The following SCD5 variants were observed in gnomAD, a reference collection of about 807,000 sequenced individuals.
SCD5 encodes the protein acyl-CoA-desaturase 4.
In SCD5, 20 loss-of-function variants were observed where a neutral mutation model predicts 30.4. The ratio of observed to expected loss-of-function variants is 0.66; its 90% CI spans 0.46 to 0.96. The LOEUF is 0.96. SCD5 is among the 40% of genes least tolerant of loss of function. SCD5 has a pLI of 0.00. For synonymous variants in SCD5, 173 were observed against 176.4 expected (o/e 0.98, Z 0.16); for missense variants, 381 against 443.3 (o/e 0.86, Z 1.26).
At chr4:82,700,787 TAA>T (rs70938305) in intron 2 of SCD5, among the ~76,000 whole-genome samples, 8 of 63,802 alleles carry the variant, frequency 1.3e-4, no homozygotes, top group Non-Finnish European at 1.2e-4. Context: ...ACCCTGTCTC[TAA>T]AAAAAAAAAA....
intron 1 of SCD5, among the ~76,000 whole-genome samples, chr4:82,796,886 G>A (rs997354084): frequency 2.0e-5 from 3 of 152,202 alleles, no homozygotes; most frequent in Admixed American, 6.5e-5. Context: ...AAAGGTGATG[G>A]TGAAAAGGAC....
intron 1 of SCD5, among the ~76,000 whole-genome samples, chr4:82,773,072 C>T (rs983839941): frequency 6.6e-6 from 1 of 152,104 alleles, no homozygotes; most frequent in Non-Finnish European, 1.5e-5. Flanking sequence ...ATTCCTGATC[C>T]TGCAGGCCCT....
chr4:82,748,970 T>C (rs573528094), intron 1 of SCD5, among the ~76,000 whole-genome samples: 4 of 152,290 alleles, frequency 2.6e-5, no homozygotes, highest in Admixed American at 6.5e-5. Context: ...GAGGAAAAGA[T>C]AGCCTCCGCC....
chr4:82,655,900 A>G (rs1226205897), intron 3 of SCD5, among the ~76,000 whole-genome samples: 1 of 152,158 alleles, frequency 6.6e-6, no homozygotes, highest in Non-Finnish European at 1.5e-5. Context: ...GTCTGCTGTA[A>G]GCCAAGGGTG....
At chr4:82,751,911 C>T (rs1721111599) in intron 1 of SCD5, among the ~76,000 whole-genome samples, 1 of 152,342 alleles carries the variant, frequency 6.6e-6, no homozygotes, top group African/African-American at 2.4e-5. Flanking sequence ...AGGCGTGAGC[C>T]ACCACGCCCA....
intron 1 of SCD5, among the ~76,000 whole-genome samples, chr4:82,743,290 G>A (rs1295946075): frequency 6.6e-6 from 1 of 152,062 alleles, no homozygotes. Context: ...TGGGAGGACT[G>A]CTTGAAGTCA....
intron 3 of SCD5, among the ~76,000 whole-genome samples, chr4:82,652,878 T>C (rs556519966): frequency 6.6e-6 from 1 of 152,234 alleles, no homozygotes; most frequent in South Asian, 2.1e-4. Flanking sequence ...TTCAGTTGGG[T>C]GTGGTGGCTC....
chr4:82,699,811 G>A (rs1023599063), intron 2 of SCD5, among the ~76,000 whole-genome samples: 5 of 151,954 alleles, frequency 3.3e-5, no homozygotes, highest in African/African-American at 7.2e-5. Flanking sequence ...ACAGGTGCAC[G>A]CCACCACGCC....
At position 82,680,691 on chromosome 4, in the gene SCD5, A is replaced by G. The variant is rs755051182; in HGVS notation, c.569+16T>C. Reference sequence around the variant, plus strand: ...GGCCCCTGAGGGACAGCTCTCCGTCATGCCCATTCACTTACTTTCTCTGGA... The same window carrying G: ...GGCCCCTGAGGGACAGCTCTCCGTCGTGCCCATTCACTTACTTTCTCTGGA... On this transcript the variant is annotated intron_variant, in intron 3 of 4. Transcript: ENST00000319540. The G allele has an allele frequency of 2.1e-5, 34 of 1,613,408 alleles. No homozygotes were observed. The highest frequency in any genetic ancestry group is 2.8e-5 in the Non-Finnish European group (33 of 1,179,494).
At chr4:82,699,322 C>T (rs1417516257) in intron 2 of SCD5, among the ~76,000 whole-genome samples, 1 of 152,174 alleles carries the variant, frequency 6.6e-6, no homozygotes, top group East Asian at 1.9e-4. Flanking sequence ...TACATAACCA[C>T]TTTTCTGTTT....
At chr4:82,785,983 A>T (rs1033918121) in intron 1 of SCD5, among the ~76,000 whole-genome samples, 4 of 152,240 alleles carry the variant, frequency 2.6e-5, no homozygotes, top group Non-Finnish European at 5.9e-5. Flanking sequence ...GGGTGGGTTG[A>T]TAAACTATTC....
intron 1 of SCD5, among the ~76,000 whole-genome samples, chr4:82,761,827 C>G (rs1352756339): frequency 6.6e-6 from 1 of 151,080 alleles, no homozygotes; most frequent in Admixed American, 6.6e-5. Flanking sequence ...GAGAATATAG[C>G]CCCAGCCTCG....
intron 3 of SCD5, among the ~76,000 whole-genome samples, chr4:82,679,960 T>C (rs1468461845): frequency 6.6e-6 from 1 of 152,230 alleles, no homozygotes; most frequent in Non-Finnish European, 1.5e-5. Flanking sequence ...GCATGGTCCA[T>C]ATGTTGCCCA....
chr4:82,732,655 G>A (rs1205935825), intron 1 of SCD5, among the ~76,000 whole-genome samples: 1 of 152,178 alleles, frequency 6.6e-6, no homozygotes, highest in East Asian at 1.9e-4. Flanking sequence ...AGCGGGTTGG[G>A]TAATAAATGA....
chr4:82,699,389 G>T (rs989982591), intron 2 of SCD5, among the ~76,000 whole-genome samples: 1 of 151,810 alleles, frequency 6.6e-6, no homozygotes, highest in Non-Finnish European at 1.5e-5. Flanking sequence ...CATTATCAAT[G>T]ACTTTTTTTT....
intron 3 of SCD5, among the ~76,000 whole-genome samples, chr4:82,670,716 A>AATTGATATGGCAAATATCAATTCCATG (rs1728298452): frequency 6.7e-6 from 1 of 148,412 alleles, no homozygotes; most frequent in African/African-American, 2.6e-5. Context: ...TCAATTCCAT[A>AATTGATATGGCAAATATCAATTCCATG]TCAATTGATA....
At chr4:82,642,596 C>T (rs773353910) in intron 3 of SCD5, among the ~76,000 whole-genome samples, 8 of 152,152 alleles carry the variant, frequency 5.3e-5, no homozygotes, top group Non-Finnish European at 8.8e-5. Context: ...TTCATCAGTC[C>T]CCCAGGCGAG....
intron 1 of SCD5, among the ~76,000 whole-genome samples, chr4:82,789,727 G>A (rs1241096956): frequency 6.6e-6 from 1 of 152,122 alleles, no homozygotes; most frequent in Non-Finnish European, 1.5e-5. Context: ...TGCAAAAATG[G>A]GCAGCGAGAT....
intron 3 of SCD5, among the ~76,000 whole-genome samples, chr4:82,664,296 C>T (rs959019950): frequency 7.9e-5 from 12 of 152,178 alleles, no homozygotes; most frequent in Non-Finnish European, 1.6e-4. Flanking sequence ...GACCCAACCC[C>T]AACCTCTTCC....
Sources: gnomAD v4.1 joint callset for allele counts (sites outside exome capture counted in the v4.1 genomes callset) on GRCh38, gnomAD v4.1.1 for gene constraint, MANE v1.5 for transcripts, NCBI Gene and HGNC (gene_info 2026-07-23, HGNC 2026-07-21) for gene names.